CPNE2: variants seen among roughly 807,000 people sequenced by gnomAD.
The protein encoded by CPNE2 is copine 2, also known as copine-2.
CPNE2 carries 42 observed loss-of-function variants against 69.7 expected under a neutral mutation model. The observed-to-expected ratio is 0.60, with a 90% CI of 0.47 to 0.78. The LOEUF (loss-of-function observed/expected upper bound fraction) is 0.78, where lower values mean the gene tolerates loss of function less well. CPNE2 is among the 30% of genes least tolerant of loss of function. The pLI is 0.00. For missense variants in CPNE2, 587 were observed against 732.0 expected, an observed-to-expected ratio of 0.80 and a Z score of 2.29; for synonymous variants, 294 against 289.8, an observed-to-expected ratio of 1.01 and a Z score of -0.15.
At chr16:57,131,259 C>G (rs1369665059) in intron 12 of CPNE2, among the ~76,000 whole-genome samples, 5 of 152,246 alleles carry the variant, frequency 3.3e-5, no homozygotes, top group Non-Finnish European at 5.9e-5. Flanking sequence ...GCCAGTGCCC[C>G]TTCTTGTCTG....
chr16:57,123,340 C>T lies in CPNE2; in HGVS notation c.868-74C>T, dbSNP rs1232125008. Reference sequence around the variant, plus strand: ...CCTTGTCCCTACTGAGGTTGCAGGACATAGAGCAACAACTCCCCCATGGGG... The same window carrying T: ...CCTTGTCCCTACTGAGGTTGCAGGATATAGAGCAACAACTCCCCCATGGGG... On this transcript the variant is annotated intron_variant, in intron 9 of 15. Coordinates refer to ENST00000290776, the MANE Select transcript of CPNE2 (RefSeq NM_152727.6). 2.7e-6 allele frequency: 4 copies of T among 1,491,772 alleles called. No individual in the cohort carries two copies. In the African/African-American group the frequency reaches 5.5e-5, roughly 21 times the overall value. 92.4% of individuals were successfully genotyped at this position (1,491,772 alleles called of 1,614,324 possible).
At chr16:57,116,921 G>A (rs762304213) in intron 4 of CPNE2, among the ~76,000 whole-genome samples, 1 of 152,202 alleles carries the variant, frequency 6.6e-6, no homozygotes, top group Non-Finnish European at 1.5e-5. Flanking sequence ...GAGGCCTACA[G>A]GGGGCCTCAG....
intron 1 of CPNE2, among the ~76,000 whole-genome samples, chr16:57,094,472 C>A (rs571703879): frequency 6.6e-6 from 1 of 152,186 alleles, no homozygotes; most frequent in Non-Finnish European, 1.5e-5. Context: ...GAGAATGGAG[C>A]CTCGGTTTCT....
chr16:57,107,933 C>G (rs553682331), intron 1 of CPNE2, among the ~76,000 whole-genome samples: 1 of 147,906 alleles, frequency 6.8e-6, no homozygotes, highest in Non-Finnish European at 1.5e-5. Flanking sequence ...TGCAGTGGCG[C>G]GATCTCAGCT....
intron 3 of CPNE2, 127 bp from the exon 4 acceptor site, chr16:57,115,349 G>A (rs1356263590): frequency 4.3e-6 from 3 of 694,064 alleles, no homozygotes; most frequent in Admixed American, 2.4e-5. Context: ...ATGCTCAGGC[G>A]GGTCACCAGC....
rs1164566443 is a variant in CPNE2, at chr16:57,130,751, A to G, written c.1116+2848A>G. Among the ~76,000 whole-genome samples, 2 of 152,028 alleles carry G rather than the reference A, an allele frequency of 1.3e-5. No homozygotes were observed. Among genetic ancestry groups the G allele is most frequent in the African/African-American group, 4.8e-5 (2 of 41,392 alleles). Reference sequence around the variant, plus strand: ...GGCTGGGGCCATTATGGCAGAGACAAGATGGGGAGGGGAGAAGGGCATGGA... The same window carrying G: ...GGCTGGGGCCATTATGGCAGAGACAGGATGGGGAGGGGAGAAGGGCATGGA... On this transcript the variant is annotated intron_variant, in intron 12 of 15. Transcript: ENST00000290776. The surrounding 1 kb of genome is among the most constrained non-coding windows in gnomAD (Gnocchi z 4.1).
chr16:57,099,422 A>G (rs895035195), intron 1 of CPNE2, among the ~76,000 whole-genome samples: 3 of 152,102 alleles, frequency 2.0e-5, no homozygotes, highest in Non-Finnish European at 2.9e-5. Context: ...TCCTGTGTGT[A>G]TCTTTGGGTG....
At chr16:57,101,614 C>T (rs981426480) in intron 1 of CPNE2, among the ~76,000 whole-genome samples, 4 of 152,224 alleles carry the variant, frequency 2.6e-5, no homozygotes, top group Admixed American at 2.6e-4. Context: ...TCCAACTACA[C>T]TAGAGCCATC....
chr16:57,145,904 A>G, intron 14 of CPNE2, 181 bp from the exon 15 acceptor site: 1 of 614,626 alleles, frequency 1.6e-6, no homozygotes, highest in Non-Finnish European at 2.9e-6. Context: ...AGAGCATGAG[A>G]GGCCTGCAGG....
intron 10 of CPNE2, chr16:57,124,344 A>C (rs1340557023): frequency 4.4e-6 from 2 of 453,224 alleles, no homozygotes; most frequent in Non-Finnish European, 8.9e-6. Context: ...GGCCTCTCAA[A>C]GTGCTAGGAT....
rs923377909 is a variant in CPNE2 at position 57,125,628 on chromosome 16, C to T, written c.928-232C>T. ...GGGACTGTACGTTAGTCTCTTATGT[C>T]ATCACATCTAGGCAGTGGACTTTAT... On this transcript the variant is annotated intron_variant, in intron 10 of 15. Transcript: ENST00000290776. 39 of 568,710 alleles carry T rather than the reference C, an allele frequency of 6.9e-5. No homozygotes were observed. In the African/African-American group the frequency reaches 7.1e-4, roughly 10 times the overall value. 35.2% of individuals were successfully genotyped at this position (568,710 alleles called of 1,614,324 possible).
At chr16:57,101,340 G>A (rs529377479) in intron 1 of CPNE2, among the ~76,000 whole-genome samples, 5 of 152,198 alleles carry the variant, frequency 3.3e-5, no homozygotes, top group South Asian at 4.1e-4. Context: ...TTCTCATCTG[G>A]GAAATGGGAT....
intron 12 of CPNE2, among the ~76,000 whole-genome samples, chr16:57,131,200 TG>T (rs1423979270): frequency 2.0e-5 from 3 of 152,314 alleles, no homozygotes; most frequent in African/African-American, 7.2e-5. Flanking sequence ...GAGAAGCCTG[TG>T]GGGTGTGAGG....
intron 3 of CPNE2, among the ~76,000 whole-genome samples, chr16:57,114,839 T>C (rs972438024): frequency 1.4e-5 from 2 of 147,914 alleles, no homozygotes; most frequent in Non-Finnish European, 3.0e-5. Flanking sequence ...AGCTCATGCC[T>C]GTAATCCCAG....
At chr16:57,106,140 C>T (rs762756013) in intron 1 of CPNE2, 1 of 152,832 alleles carries the variant, frequency 6.5e-6, no homozygotes, top group African/African-American at 2.4e-5. Flanking sequence ...TCATGTGCTC[C>T]CCGTTTCGGG....
Position 57,121,185 on chromosome 16 carries a change from C to A in CPNE2, c.774C>A (p.Ser258Arg), listed in dbSNP as rs370649847. The A allele has an allele frequency of 1.9e-6, 3 of 1,613,312 alleles. No individual in the cohort carries two copies. In the South Asian group the frequency reaches 3.3e-5, roughly 18 times the overall value. Residue 258 changes from serine to arginine, a missense_variant, in exon 8 of 16, where the codon AGC (serine) becomes AGA (arginine). Ser to Arg is a moderately radical substitution (Grantham distance 110). Around this residue, in one of 5 missense-constraint regions of CPNE2, gnomAD observed 269 missense variants for 300.5 expected, o/e 0.90. Transcript: ENST00000290776. ...SVSQMCEARD[S>R]VPLEFECINP... ...CACAGATGTGTGAGGCTCGAGACAG[C>A]GTCCCGGTGAGATGGGCACGTGTAC...
intron 1 of CPNE2, among the ~76,000 whole-genome samples, chr16:57,109,189 G>A (rs1461055581): frequency 6.6e-6 from 1 of 152,052 alleles, no homozygotes; most frequent in East Asian, 1.9e-4. Context: ...GAAAGTAAAG[G>A]AATAGCCAGG....
At chr16:57,105,915 T>C (rs1280761044) in intron 1 of CPNE2, 1 of 152,222 alleles carries the variant, frequency 6.6e-6, no homozygotes, top group Non-Finnish European at 1.5e-5. Context: ...GGTGTTTCCA[T>C]CGTGCCCAGA....
chr16:57,104,069 A>G (rs997425459), intron 1 of CPNE2, among the ~76,000 whole-genome samples: 2 of 152,132 alleles, frequency 1.3e-5, no homozygotes, highest in Admixed American at 6.5e-5. Context: ...GGCACACACC[A>G]CCACGCCCAG....
Sources: gnomAD v4.1 joint callset for allele counts (sites outside exome capture counted in the v4.1 genomes callset) on GRCh38, gnomAD v4.1.1 for gene constraint, gnomAD v4.1.1 regional missense constraint, Gnocchi (gnomAD v3.1) non-coding constraint, MANE v1.5 for transcripts, NCBI Gene and HGNC (gene_info 2026-07-23, HGNC 2026-07-21) for gene names.